Variants in NR3C1 observed in about 807,000 individuals in gnomAD.
The protein encoded by NR3C1 is glucocorticoid receptor.
A neutral mutation model predicts 74.0 loss-of-function variants in NR3C1; 14 were observed. The ratio of observed to expected loss-of-function variants is 0.19; its 90% CI spans 0.12 to 0.30. The LOEUF (loss-of-function observed/expected upper bound fraction) is 0.30. Among genes scored for constraint, NR3C1 ranks in the 10% least tolerant of loss-of-function variants. The probability of loss-of-function intolerance (pLI) is 1.00; values close to 1 mark genes in which losing one functional copy is unlikely to be tolerated. For synonymous variants in NR3C1, 308 were observed against 332.5 expected (o/e 0.93, Z 0.80); for missense variants, 695 against 909.8 (o/e 0.76, Z 3.04).
At chr5:143,424,350 A>T (rs1751422186) in intron 1 of NR3C1, among the ~76,000 whole-genome samples, 1 of 152,158 alleles carries the variant, frequency 6.6e-6, no homozygotes, top group Non-Finnish European at 1.5e-5. Flanking sequence ...TATATTTCAA[A>T]ATAACTAAGA....
intron 1 of NR3C1, among the ~76,000 whole-genome samples, chr5:143,433,468 AT>A (rs1751966098): frequency 2.6e-5 from 1 of 38,340 alleles, no homozygotes. Flanking sequence ...ATATATATAT[AT>A]ATTTAATTTC....
intron 2 of NR3C1, chr5:143,332,936 G>A: frequency 1.3e-6 from 2 of 1,569,088 alleles, no homozygotes; most frequent in East Asian, 2.2e-5. Flanking sequence ...CAAATCTGAA[G>A]TCTGTCCGAG....
rs995378962 is a variant in NR3C1 at position 143,403,391 on chromosome 5, C to A, written c.-194G>T. On this transcript the variant is annotated 5_prime_UTR_variant, in exon 1 of 9. Transcript: ENST00000394464. ...GGGGAGAGCCCCTATTTAAGAAAGTCTCCCATTGCCCAGCTGACAAGCCAG... is the reference window on the plus strand; with the variant it reads ...GGGGAGAGCCCCTATTTAAGAAAGTATCCCATTGCCCAGCTGACAAGCCAG... The A allele has an allele frequency of 2.5e-5, 25 of 985,362 alleles. No individual in the cohort carries two copies. The highest frequency in any genetic ancestry group is 2.9e-5 in the Non-Finnish European group (24 of 829,994). 61.0% of individuals were successfully genotyped at this position (985,362 alleles called of 1,614,324 possible). A position where few individuals can be genotyped will look rare whatever the true frequency, so the allele number is the denominator to read the frequency against.
At chr5:143,408,077 C>T (rs886623408), upstream of NR3C1, among the ~76,000 whole-genome samples, 16 of 152,172 alleles carry the variant, frequency 1.1e-4, no homozygotes, top group Non-Finnish European at 1.9e-4. Flanking sequence ...TGTGATTGAA[C>T]ATTTATTTTC....
At chr5:143,299,298 G>A (rs1253911095) in intron 5 of NR3C1, among the ~76,000 whole-genome samples, 2 of 150,484 alleles carry the variant, frequency 1.3e-5, no homozygotes, top group Non-Finnish European at 2.9e-5. Flanking sequence ...ACAGGCGTGA[G>A]CCATCGCACC....
chr5:143,361,567 T>C (rs927868646), intron 2 of NR3C1, among the ~76,000 whole-genome samples: 1 of 152,190 alleles, frequency 6.6e-6, no homozygotes, highest in Non-Finnish European at 1.5e-5. Flanking sequence ...CCCCTGATAG[T>C]TCTTCTGAGT....
chr5:143,362,179 A>G (rs1196686423), intron 2 of NR3C1, among the ~76,000 whole-genome samples: 1 of 152,146 alleles, frequency 6.6e-6, no homozygotes, highest in Non-Finnish European at 1.5e-5. Context: ...ATTTTTACTG[A>G]AAAACAAAAA....
intron 2 of NR3C1, chr5:143,333,241 C>A (rs1056377721): frequency 6.6e-6 from 9 of 1,369,710 alleles, no homozygotes; most frequent in African/African-American, 1.4e-5. Context: ...CTGAACTAGA[C>A]CCAGGTGAGG....
intron 1 of NR3C1, among the ~76,000 whole-genome samples, chr5:143,426,600 G>A (rs1031354220): frequency 6.6e-6 from 1 of 152,212 alleles, no homozygotes; most frequent in African/African-American, 2.4e-5. Flanking sequence ...GGAAGGCCAA[G>A]CTTAAAGGAC....
intron 7 of NR3C1, among the ~76,000 whole-genome samples, chr5:143,291,603 A>G (rs1815971054): frequency 6.6e-6 from 1 of 152,176 alleles, no homozygotes; most frequent in African/African-American, 2.4e-5. Flanking sequence ...AAAATAGCTG[A>G]TTGGTGTACT....
chr5:143,339,927 A>T (rs1332609493), intron 2 of NR3C1, among the ~76,000 whole-genome samples: 2 of 152,212 alleles, frequency 1.3e-5, no homozygotes, highest in African/African-American at 4.8e-5. Context: ...TTACATATGA[A>T]TGGAGTCCCA....
chr5:143,279,175 A>C lies in NR3C1; in HGVS notation c.*2714T>G. 1.6e-6 allele frequency: 1 copy of C among 634,268 alleles called. No individual in the cohort carries two copies. The highest frequency in any genetic ancestry group is 3.8e-5 in the Admixed American group (1 of 26,652). The allele number at this position is 634,268 out of a possible 1,614,324, so 39.3% of individuals were successfully genotyped here. On this transcript the variant is annotated 3_prime_UTR_variant, in exon 9 of 9. Coordinates refer to ENST00000394464, the MANE Select transcript of NR3C1 (RefSeq NM_000176.3). ...ATATAGCACTTAAATCCACAATTAA[A>C]CATAATTAAGATGACTTTCTTTTCC...
intron 2 of NR3C1, among the ~76,000 whole-genome samples, chr5:143,386,175 T>C (rs1266494551): frequency 6.6e-6 from 1 of 152,174 alleles, no homozygotes; most frequent in Non-Finnish European, 1.5e-5. Context: ...GAACTCACTA[T>C]CATGAGAACA....
intron 2 of NR3C1, among the ~76,000 whole-genome samples, chr5:143,357,825 A>C (rs1831438629): frequency 6.6e-6 from 1 of 152,246 alleles, no homozygotes. Context: ...AGTTACTAGA[A>C]GTTCATAGGC....
chr5:143,418,391 A>G (rs1033803106), intron 1 of NR3C1, among the ~76,000 whole-genome samples: 3 of 152,158 alleles, frequency 2.0e-5, no homozygotes, highest in Non-Finnish European at 4.4e-5. Context: ...TGGGCAAGTT[A>G]CTTTTCCCCT....
At chr5:143,321,958 G>T (rs529645812) in intron 2 of NR3C1, among the ~76,000 whole-genome samples, 2 of 152,220 alleles carry the variant, frequency 1.3e-5, no homozygotes, top group South Asian at 4.2e-4. Context: ...CCAGCATCTT[G>T]TACAAAGTTC....
chr5:143,352,682 T>C (rs1380024632), intron 2 of NR3C1, among the ~76,000 whole-genome samples: 1 of 152,256 alleles, frequency 6.6e-6, no homozygotes, highest in African/African-American at 2.4e-5. Flanking sequence ...TACTGTAGTC[T>C]ATTAAGTGTG....
At chr5:143,388,375 T>C (rs1198173483) in intron 2 of NR3C1, among the ~76,000 whole-genome samples, 2 of 152,248 alleles carry the variant, frequency 1.3e-5, no homozygotes, top group African/African-American at 4.8e-5. Context: ...AGATTAGAAA[T>C]ATAATCCATT....
At chr5:143,301,200 G>A (rs1467015486) in intron 4 of NR3C1, among the ~76,000 whole-genome samples, 1 of 151,976 alleles carries the variant, frequency 6.6e-6, no homozygotes, top group Non-Finnish European at 1.5e-5. Context: ...ATTACAAACT[G>A]TGGTTTAAGA....
Sources: allele counts gnomAD v4.1 joint callset (sites outside exome capture counted in the v4.1 genomes callset), GRCh38; gene constraint gnomAD v4.1.1; transcripts MANE v1.5; gene names NCBI Gene and HGNC (gene_info 2026-07-23, HGNC 2026-07-21).